TAOK1: variants seen among roughly 807,000 people sequenced by gnomAD.
TAOK1 encodes the protein serine/threonine-protein kinase TAO1.
TAOK1 carries 21 observed loss-of-function variants against 138.3 expected under a neutral mutation model. The observed-to-expected ratio is 0.15, with a 90% confidence interval of 0.11 to 0.22. The LOEUF is 0.22. Ranked by LOEUF, TAOK1 falls within the 10% of genes least tolerant of loss-of-function variation. The pLI is 1.00. For missense variants in TAOK1, 651 were observed against 1,227.7 expected, an observed-to-expected ratio of 0.53 and a Z score of 7.02; for synonymous variants, 361 against 398.4, an observed-to-expected ratio of 0.91 and a Z score of 1.12.
chr17:29,532,015 C>T (rs1259563454), intron 18 of TAOK1, among the ~76,000 whole-genome samples: 1 of 151,984 alleles, frequency 6.6e-6, no homozygotes, highest in Non-Finnish European at 1.5e-5. Flanking sequence ...CGCATGCCAC[C>T]AAGCCCAGCT....
chr17:29,460,752 C>T (rs1306484440), intron 2 of TAOK1, among the ~76,000 whole-genome samples: 4 of 151,978 alleles, frequency 2.6e-5, no homozygotes, highest in Non-Finnish European at 5.9e-5. Flanking sequence ...TATCAGAGAT[C>T]GAAGCAGAGA....
At chr17:29,465,926 A>C (rs2030657665) in intron 2 of TAOK1, among the ~76,000 whole-genome samples, 1 of 126,202 alleles carries the variant, frequency 7.9e-6, no homozygotes, top group South Asian at 2.7e-4. Context: ...TCTGGTCTTG[A>C]TCCTGATTAG....
intron 19 of TAOK1, among the ~76,000 whole-genome samples, chr17:29,541,913 C>T (rs564328476): frequency 2.6e-5 from 4 of 151,636 alleles, no homozygotes; most frequent in Middle Eastern, 3.2e-3. Flanking sequence ...CTCGCTCTGT[C>T]GCCCAGGCTG....
At chr17:29,425,398 A>T (rs1905603556) in intron 1 of TAOK1, among the ~76,000 whole-genome samples, 1 of 150,256 alleles carries the variant, frequency 6.7e-6, no homozygotes, top group South Asian at 2.3e-4. Flanking sequence ...TAAAACTTAT[A>T]CCAGGCTTGG....
At chr17:29,467,038 C>T in intron 2 of TAOK1, 107 bp from the exon 3 acceptor site, 1 of 706,964 alleles carries the variant, frequency 1.4e-6, no homozygotes, top group East Asian at 3.0e-5. Context: ...GTTTTGATGT[C>T]CTTTTTGACA....
At chr17:29,498,905 G>A (rs1250761476) in intron 12 of TAOK1, among the ~76,000 whole-genome samples, 2 of 151,196 alleles carry the variant, frequency 1.3e-5, no homozygotes, top group Non-Finnish European at 2.9e-5. Context: ...CAGCCTGGGC[G>A]ACAGAGTGAG....
At chr17:29,525,855 G>A (rs533878876) in intron 17 of TAOK1, among the ~76,000 whole-genome samples, 1 of 152,336 alleles carries the variant, frequency 6.6e-6, no homozygotes, top group South Asian at 2.1e-4. Flanking sequence ...AAATTACCCA[G>A]GCATGGTGGC....
intron 17 of TAOK1, among the ~76,000 whole-genome samples, chr17:29,528,512 ATAAACTGTATAGT>A (rs2032049167): frequency 6.6e-6 from 1 of 152,132 alleles, no homozygotes; most frequent in Non-Finnish European, 1.5e-5. Context: ...CATTTGGTAC[ATAAACTGTATAGT>A]TAGAGTTGAG....
At chr17:29,539,831 G>A (rs949557198) in intron 19 of TAOK1, among the ~76,000 whole-genome samples, 7 of 152,130 alleles carry the variant, frequency 4.6e-5, no homozygotes, top group African/African-American at 1.2e-4. Context: ...AGCGAGCCAC[G>A]ATCGCGCCAC....
chr17:29,484,456 G>C (rs1009402143), intron 8 of TAOK1, among the ~76,000 whole-genome samples: 2 of 152,138 alleles, frequency 1.3e-5, no homozygotes, highest in African/African-American at 4.8e-5. Context: ...GAAGTGTTCT[G>C]TAGCTATGGC....
At chr17:29,460,282 C>T (rs2030501174) in intron 2 of TAOK1, among the ~76,000 whole-genome samples, 1 of 152,196 alleles carries the variant, frequency 6.6e-6, no homozygotes, top group Admixed American at 6.5e-5. Flanking sequence ...ACCTTCACCT[C>T]CCGGGTTCAT....
intron 3 of TAOK1, 128 bp from the exon 4 acceptor site, chr17:29,475,542 A>G (rs1374082435): frequency 1.6e-6 from 1 of 642,438 alleles, no homozygotes; most frequent in Non-Finnish European, 2.6e-6. Flanking sequence ...CCTCCCAATA[A>G]ATAAGTAAAA....
intron 11 of TAOK1, among the ~76,000 whole-genome samples, chr17:29,496,145 G>T (rs1289667012): frequency 6.6e-6 from 1 of 151,994 alleles, no homozygotes; most frequent in Non-Finnish European, 1.5e-5. Context: ...TTGTTGCCCA[G>T]GTTGGAGTGC....
chr17:29,539,231 C>T (rs907623967), intron 19 of TAOK1, among the ~76,000 whole-genome samples: 1 of 152,166 alleles, frequency 6.6e-6, no homozygotes, highest in African/African-American at 2.4e-5. Context: ...CCACTGCACT[C>T]CAGCCTGGGC....
intron 16 of TAOK1, among the ~76,000 whole-genome samples, chr17:29,517,865 T>A (rs1598518359): frequency 1.3e-5 from 2 of 151,164 alleles, no homozygotes; most frequent in Non-Finnish European, 1.5e-5. Context: ...ACCACCAAAA[T>A]TTTTTTTTTC....
chr17:29,514,970 G>A (rs2031787519), intron 15 of TAOK1: 1 of 138,982 alleles, frequency 7.2e-6, no homozygotes, highest in Non-Finnish European at 1.5e-5. Flanking sequence ...GTGCATTCCA[G>A]CCTGGGTCAC....
At chr17:29,468,157 G>A (rs2030724917) in intron 3 of TAOK1, among the ~76,000 whole-genome samples, 1 of 30,338 alleles carries the variant, frequency 3.3e-5, no homozygotes, top group Admixed American at 3.0e-4. Context: ...TTTTTTAGGA[G>A]CTGGAGTCTC....
At chr17:29,417,206 G>A (rs1248451024) in intron 1 of TAOK1, among the ~76,000 whole-genome samples, 1 of 152,044 alleles carries the variant, frequency 6.6e-6, no homozygotes, top group African/African-American at 2.4e-5. Flanking sequence ...ATTAGTAAGG[G>A]GTTTTGCCAT....
Position 29,527,823 on chromosome 17 carries a change from T to C in TAOK1, c.2149-2584T>C, listed in dbSNP as rs140809394. ...CCTTACAGAAACAGATCTCATCTTA[T>C]TGAAGCTTTTTAAAACCTGAGTTCA... is the stretch of plus-strand genomic sequence containing the variant. On this transcript the variant is annotated intron_variant, in intron 17 of 19. Coordinates refer to ENST00000261716, the MANE Select transcript of TAOK1 (RefSeq NM_020791.4). Among the ~76,000 whole-genome samples, 555 of 152,342 alleles carry C rather than the reference T, an allele frequency of 3.6e-3. 1 individual carries two copies. The highest frequency in any genetic ancestry group is 6.6e-3 in the Non-Finnish European group (451 of 68,036).
Sources: allele counts gnomAD v4.1 joint callset (sites outside exome capture counted in the v4.1 genomes callset), GRCh38; gene constraint gnomAD v4.1.1; transcripts MANE v1.5; gene names NCBI Gene and HGNC (gene_info 2026-07-23, HGNC 2026-07-21).